The following PLA2G4E variants were observed in gnomAD, a reference collection of about 807,000 sequenced individuals.
PLA2G4E encodes cytosolic phospholipase A2 epsilon.
Under a neutral mutation model 109.1 loss-of-function variants are expected in PLA2G4E, and 84 were observed. The ratio of observed to expected loss-of-function variants is 0.77; its 90% CI spans 0.65 to 0.92. PLA2G4E has a LOEUF of 0.92. PLA2G4E is among the 40% of genes least tolerant of loss of function. The probability of loss-of-function intolerance (pLI) is 0.00; values close to 1 mark genes in which losing one functional copy is unlikely to be tolerated. For synonymous variants in PLA2G4E, 469 were observed against 436.1 expected (o/e 1.08, Z -0.94); for missense variants, 1,057 against 1,076.6 (o/e 0.98, Z 0.25).
At chr15:42,022,196 C>T (rs2068655013) in intron 1 of PLA2G4E, among the ~76,000 whole-genome samples, 1 of 152,162 alleles carries the variant, frequency 6.6e-6, no homozygotes, top group African/African-American at 2.4e-5. Flanking sequence ...GCATCCAACC[C>T]CTCAGAGGCT....
chr15:41,987,978 C>T lies in PLA2G4E; in HGVS notation c.1831+71G>A, dbSNP rs542546106. 184 of 1,085,706 alleles carry T rather than the reference C, an allele frequency of 1.7e-4. No individual in the cohort carries two copies. In the African/African-American group the frequency reaches 2.5e-3, roughly 15 times the overall value. The allele number at this position is 1,085,706 out of a possible 1,614,324, so 67.3% of individuals were successfully genotyped here. On this transcript the variant is annotated intron_variant, in intron 16 of 19. Transcript: ENST00000399518. ...TGAGGGAAAGCCGGGGGCCGCCCCC[C>T]ATCACCCAGCCATGAGGGAAAGCCG... is the stretch of plus-strand genomic sequence containing the variant.
At chr15:42,039,834 T>C (rs57303222) in intron 1 of PLA2G4E, among the ~76,000 whole-genome samples, 3,087 of 152,288 alleles carry the variant, frequency 0.02, 119 homozygotes, top group African/African-American at 0.071. Context: ...TGTTCTTAAA[T>C]GGGAAAATAA....
intron 15 of PLA2G4E, 66 bp from the exon 16 acceptor site, chr15:41,988,222 TC>T: frequency 1.7e-6 from 2 of 1,179,010 alleles, no homozygotes; most frequent in Non-Finnish European, 2.4e-6. Context: ...GACATTTGAT[TC>T]CCCACTCCCC....
At chr15:42,029,480 T>G (rs1488218269) in intron 1 of PLA2G4E, among the ~76,000 whole-genome samples, 1 of 152,212 alleles carries the variant, frequency 6.6e-6, no homozygotes, top group Non-Finnish European at 1.5e-5. Flanking sequence ...TTCAGCTAGA[T>G]GCCAGGCTTT....
chr15:42,034,187 A>T (rs929404068), intron 1 of PLA2G4E, among the ~76,000 whole-genome samples: 1 of 152,232 alleles, frequency 6.6e-6, no homozygotes, highest in African/African-American at 2.4e-5. Context: ...TAAAACTGGA[A>T]AGTTCCAGGC....
intron 3 of PLA2G4E, among the ~76,000 whole-genome samples, chr15:42,006,488 A>G (rs1457378798): frequency 6.6e-6 from 1 of 152,212 alleles, no homozygotes; most frequent in Non-Finnish European, 1.5e-5. Context: ...GAATGTGGTC[A>G]GCACTGGGCC....
At chr15:42,036,067 T>C (rs1297075210) in intron 1 of PLA2G4E, among the ~76,000 whole-genome samples, 1 of 152,248 alleles carries the variant, frequency 6.6e-6, no homozygotes, top group Non-Finnish European at 1.5e-5. Context: ...GGTTCATTCA[T>C]TTTCACAGTT....
At chr15:42,001,919 C>G (rs2068424118) in intron 6 of PLA2G4E, among the ~76,000 whole-genome samples, 1 of 152,156 alleles carries the variant, frequency 6.6e-6, no homozygotes, top group Non-Finnish European at 1.5e-5. Context: ...TTTTGAACTC[C>G]CGGGCTCAAG....
intron 5 of PLA2G4E, 71 bp from the exon 6 acceptor site, chr15:42,002,767 G>A: frequency 1.5e-6 from 2 of 1,312,196 alleles, no homozygotes; most frequent in South Asian, 2.5e-5. Flanking sequence ...GGCGACAAAG[G>A]GAATAAATAG....
intron 2 of PLA2G4E, 80 bp from the exon 3 acceptor site, chr15:42,007,945 T>C: frequency 6.8e-7 from 1 of 1,463,042 alleles, no homozygotes; most frequent in Non-Finnish European, 9.3e-7. Context: ...GGCAAGCCTC[T>C]TCCAGAGCCA....
At position 41,984,122 on chromosome 15, in the gene PLA2G4E, G is replaced by A. The variant is rs910225359; in HGVS notation, c.2387-148C>T. On this transcript the variant is annotated intron_variant, in intron 19 of 19. Transcript: ENST00000399518. ...TGTACACACGCACACCCTCACACAC[G>A]CACCTGCACACCTGCAAGCTCCTCA... 2.6e-5 allele frequency: 20 copies of A among 760,078 alleles called. 1 individual carries two copies. The highest frequency in any genetic ancestry group is 1.6e-4 in the South Asian group (9 of 57,910). 47.1% of individuals were successfully genotyped at this position (760,078 alleles called of 1,614,324 possible). A position where few individuals can be genotyped will look rare whatever the true frequency, so the allele number is the denominator to read the frequency against.
At chr15:42,031,548 G>A (rs867907280) in intron 1 of PLA2G4E, among the ~76,000 whole-genome samples, 5 of 151,822 alleles carry the variant, frequency 3.3e-5, no homozygotes, top group African/African-American at 1.2e-4. Flanking sequence ...TTCTCCCATA[G>A]GCTTCCCTTT....
At chr15:42,050,397 G>C in intron 1 of PLA2G4E, 1 of 1,186,844 alleles carries the variant, frequency 8.4e-7, no homozygotes, top group Non-Finnish European at 1.2e-6. Context: ...CCTCCGGAGA[G>C]AAAGAAATGA....
At chr15:42,016,241 CTTTTTTT>C (rs1168452228) in intron 1 of PLA2G4E, among the ~76,000 whole-genome samples, 2 of 104,692 alleles carry the variant, frequency 1.9e-5, no homozygotes, top group Non-Finnish European at 3.9e-5. Flanking sequence ...TTTATCTTTA[CTTTTTTT>C]TTTTTTTTTT....
chr15:42,013,515 A>G (rs2068558236), intron 2 of PLA2G4E, among the ~76,000 whole-genome samples, 170 bp downstream of exon 2: 1 of 152,242 alleles, frequency 6.6e-6, no homozygotes, highest in Admixed American at 6.5e-5. Flanking sequence ...ACTTGAGTAT[A>G]GAACACACAT....
At chr15:41,998,297 G>T (rs2068373667) in intron 10 of PLA2G4E, 2 of 152,174 alleles carry the variant, frequency 1.3e-5, no homozygotes, top group African/African-American at 2.4e-5. Flanking sequence ...TCTTTCTTTG[G>T]CCTCAACAGG....
At chr15:42,041,470 T>C (rs932507035) in intron 1 of PLA2G4E, among the ~76,000 whole-genome samples, 2 of 152,088 alleles carry the variant, frequency 1.3e-5, no homozygotes, top group Non-Finnish European at 2.9e-5. Context: ...TAAATTTACA[T>C]AGGAGCAGAC....
intron 1 of PLA2G4E, among the ~76,000 whole-genome samples, chr15:42,036,675 G>A (rs1309392973): frequency 1.3e-5 from 2 of 152,150 alleles, no homozygotes; most frequent in African/African-American, 4.8e-5. Flanking sequence ...TAGCCGTGTC[G>A]CCCCTGCCCT....
At chr15:41,989,183 G>A (rs1328538185) in intron 15 of PLA2G4E, among the ~76,000 whole-genome samples, 3 of 152,206 alleles carry the variant, frequency 2.0e-5, no homozygotes, top group Non-Finnish European at 4.4e-5. Flanking sequence ...AGAAGCTTCC[G>A]TCTGAGTCTG....
Sources: allele counts gnomAD v4.1 joint callset (sites outside exome capture counted in the v4.1 genomes callset), GRCh38; gene constraint gnomAD v4.1.1; transcripts MANE v1.5; gene names NCBI Gene and HGNC (gene_info 2026-07-23, HGNC 2026-07-21).